Variants in CTIF observed in about 807,000 individuals in gnomAD.
The protein encoded by CTIF is CBP80/20-dependent translation initiation factor.
A neutral mutation model predicts 66.0 loss-of-function variants in CTIF; 21 were observed. The observed-to-expected ratio is 0.32, with a 90% CI of 0.23 to 0.46. The LOEUF (loss-of-function observed/expected upper bound fraction) is 0.46, where lower values mean the gene tolerates loss of function less well. Among genes scored for constraint, CTIF ranks in the 20% least tolerant of loss-of-function variants. The pLI, the probability that CTIF is intolerant of heterozygous loss-of-function variation, is 1.00. For missense variants in CTIF, 739 were observed against 812.7 expected (o/e 0.91, Z 1.10); for synonymous variants, 345 against 326.4 (o/e 1.06, Z -0.62).
chr18:48,709,396 G>T (rs2092198254), intron 6 of CTIF, among the ~76,000 whole-genome samples: 1 of 152,268 alleles, frequency 6.6e-6, no homozygotes, highest in African/African-American at 2.4e-5. Flanking sequence ...TTGGGACAGG[G>T]TTAGCTCCCC....
At chr18:48,804,207 C>G (rs2068099391) in intron 9 of CTIF, among the ~76,000 whole-genome samples, 1 of 152,186 alleles carries the variant, frequency 6.6e-6, no homozygotes, top group South Asian at 2.1e-4. Context: ...AGGAGTAGTT[C>G]AGGGCCCAGC....
Position 48,817,375 on chromosome 18 carries a change from A to C in CTIF, c.1526A>C (p.Glu509Ala). ...LVCPIYTCLR[E>A]LLQSQDVKED... ...TGCCCCATCTACACCTGCCTCAGGGAGGTAAGAGACCTGCCGCCTGTGCCC... is the reference window on the plus strand; with the variant it reads ...TGCCCCATCTACACCTGCCTCAGGGCGGTAAGAGACCTGCCGCCTGTGCCC... The change falls in exon 10 of 12, where the codon GAG (glutamate) becomes GCG (alanine). Residue 509 changes from glutamate to alanine, a missense_variant and splice_region_variant. By Grantham distance (107) the Glu-to-Ala change is moderately radical (BLOSUM62 -1). Coordinates refer to ENST00000256413, the MANE Select transcript of CTIF (RefSeq NM_014772.3). The C allele has an allele frequency of 6.2e-7, 1 of 1,609,882 alleles. No individual in the cohort carries two copies. The highest frequency in any genetic ancestry group is 8.5e-7 in the Non-Finnish European group (1 of 1,178,234).
chr18:48,747,172 G>A (rs576343476), intron 7 of CTIF, among the ~76,000 whole-genome samples: 59 of 152,336 alleles, frequency 3.9e-4, no homozygotes, highest in African/African-American at 1.4e-3. Context: ...AGATCTCAGG[G>A]GAGAGGCCAG....
At chr18:48,551,452 T>C (rs924813648) in intron 1 of CTIF, among the ~76,000 whole-genome samples, 1 of 152,140 alleles carries the variant, frequency 6.6e-6, no homozygotes, top group Admixed American at 6.5e-5. Flanking sequence ...TATGAGATCA[T>C]ACATTTCTGT....
intron 9 of CTIF, among the ~76,000 whole-genome samples, chr18:48,790,325 A>G (rs1362472214): frequency 5.9e-5 from 9 of 152,232 alleles, no homozygotes; most frequent in African/African-American, 2.2e-4. Context: ...TCCAACAGGC[A>G]GGGAGTGTGA....
At chr18:48,549,984 T>G (rs1223265353) in intron 1 of CTIF, among the ~76,000 whole-genome samples, 1 of 152,176 alleles carries the variant, frequency 6.6e-6, no homozygotes, top group Non-Finnish European at 1.5e-5. Flanking sequence ...TTTTGTTTGT[T>G]TGTTTGTTTT....
At chr18:48,656,020 T>A (rs571782470) in intron 3 of CTIF, among the ~76,000 whole-genome samples, 2 of 152,360 alleles carry the variant, frequency 1.3e-5, no homozygotes, top group African/African-American at 4.8e-5. Context: ...AGCAACTCAC[T>A]CTCACCTTGT....
intron 6 of CTIF, among the ~76,000 whole-genome samples, chr18:48,706,598 C>G (rs2092158154): frequency 6.6e-6 from 1 of 152,226 alleles, no homozygotes; most frequent in African/African-American, 2.4e-5. Context: ...GGGGCCAGAG[C>G]TCTGCTGGGC....
chr18:48,619,841 G>A, intron 2 of CTIF, 96 bp downstream of exon 2: 2 of 1,233,078 alleles, frequency 1.6e-6, no homozygotes, highest in South Asian at 3.6e-5. Context: ...CCTGACACTA[G>A]ACCGCCAAGG....
chr18:48,737,896 A>G (rs934457277), intron 7 of CTIF, among the ~76,000 whole-genome samples: 3 of 152,254 alleles, frequency 2.0e-5, no homozygotes, highest in Non-Finnish European at 4.4e-5. Flanking sequence ...ACCTTTTGCT[A>G]TGCCTGAGAG....
intron 2 of CTIF, among the ~76,000 whole-genome samples, chr18:48,623,462 C>T (rs1376547570): frequency 2.0e-5 from 3 of 151,854 alleles, no homozygotes; most frequent in East Asian, 3.9e-4. Flanking sequence ...TTAGCTGTGT[C>T]TACATAAGAT....
chr18:48,607,997 T>C (rs1435966683), intron 1 of CTIF, among the ~76,000 whole-genome samples: 1 of 152,224 alleles, frequency 6.6e-6, no homozygotes, highest in East Asian at 1.9e-4. Flanking sequence ...CTGATTTATT[T>C]CCAAGTTCTG....
chr18:48,644,153 G>A (rs1438465318), intron 3 of CTIF, among the ~76,000 whole-genome samples: 1 of 152,164 alleles, frequency 6.6e-6, no homozygotes, highest in Non-Finnish European at 1.5e-5. Flanking sequence ...TTTCCTGCAT[G>A]AGGAATTGCC....
At chr18:48,606,242 A>C (rs2090198408) in intron 1 of CTIF, among the ~76,000 whole-genome samples, 1 of 152,208 alleles carries the variant, frequency 6.6e-6, no homozygotes, top group Non-Finnish European at 1.5e-5. Flanking sequence ...ATCTCAGCTC[A>C]ACCTGGGGGC....
At chr18:48,802,732 G>A (rs1005539135) in intron 9 of CTIF, among the ~76,000 whole-genome samples, 9 of 152,244 alleles carry the variant, frequency 5.9e-5, no homozygotes, top group Non-Finnish European at 5.9e-5. Flanking sequence ...TACTAAGTGT[G>A]TAATCACTGA....
At chr18:48,827,435 G>A (rs566995262) in intron 10 of CTIF, among the ~76,000 whole-genome samples, 113 of 152,256 alleles carry the variant, frequency 7.4e-4, no homozygotes, top group Admixed American at 2.6e-3. Flanking sequence ...CCAGATGGAG[G>A]AAGAGGCGAG....
At chr18:48,561,822 C>G (rs1165736723) in intron 1 of CTIF, among the ~76,000 whole-genome samples, 1 of 152,212 alleles carries the variant, frequency 6.6e-6, no homozygotes, top group Non-Finnish European at 1.5e-5. Context: ...ATTACCCCCA[C>G]TCTATTTTTC....
At chr18:48,595,236 C>G (rs1170886699) in intron 1 of CTIF, among the ~76,000 whole-genome samples, 2 of 152,050 alleles carry the variant, frequency 1.3e-5, no homozygotes, top group African/African-American at 4.8e-5. Context: ...GTGGCAGGCA[C>G]CTTAGAGCTC....
At chr18:48,744,939 C>T (rs2092584055) in intron 7 of CTIF, among the ~76,000 whole-genome samples, 2 of 152,236 alleles carry the variant, frequency 1.3e-5, no homozygotes, top group Admixed American at 6.5e-5. Context: ...TCTCCTGCCT[C>T]AGCCTTCCCA....
Sources: gnomAD v4.1 joint callset for allele counts (sites outside exome capture counted in the v4.1 genomes callset) on GRCh38, gnomAD v4.1.1 for gene constraint, MANE v1.5 for transcripts, NCBI Gene and HGNC (gene_info 2026-07-23, HGNC 2026-07-21) for gene names.